DST: variants seen among roughly 807,000 people sequenced by gnomAD.
DST encodes bullous pemphigoid antigen.
In DST, 253 loss-of-function variants were observed where a neutral mutation model predicts 875.2. The observed-to-expected ratio is 0.29, with a 90% CI of 0.26 to 0.32. The LOEUF (loss-of-function observed/expected upper bound fraction) is 0.32. Among genes scored for constraint, DST ranks in the 10% least tolerant of loss-of-function variants. The pLI, the probability that DST is intolerant of heterozygous loss-of-function variation, is 1.00. For synonymous variants in DST, 3,124 were observed against 3,197.1 expected (o/e 0.98, Z 0.77); for missense variants, 8,287 against 9,111.6 (o/e 0.91, Z 3.68).
At chr6:56,645,183 T>C (rs185342690) in intron 15 of DST, among the ~76,000 whole-genome samples, 37 of 152,322 alleles carry the variant, frequency 2.4e-4, no homozygotes, top group Admixed American at 2.3e-3. Flanking sequence ...CTGCAAGGTC[T>C]AGGTCCTATA....
chr6:56,701,929 G>A lies in DST; in HGVS notation c.913C>T (p.Gln305Ter), dbSNP rs759715225. 2 of 1,612,150 alleles carry A rather than the reference G, an allele frequency of 1.2e-6. No individual in the cohort carries two copies. The highest frequency in any genetic ancestry group is 8.5e-7 in the Non-Finnish European group (1 of 1,178,742). Residue 305 changes from glutamine to a stop codon, truncating the protein, a stop_gained, in exon 8 of 104, where the codon CAG becomes TAG. Coordinates refer to ENST00000680361, the MANE Select transcript of DST (RefSeq NM_001374736.1). LOFTEE classifies it high-confidence loss of function. ...TAGTCAAGTGCAATTTGTACATTCT[G>A]TAGTCTGTGAAAACGCATCCGACCT... is the stretch of plus-strand genomic sequence containing the variant. ...EKGRMRFHRL[Q>*]NVQIALDYLK...
chr6:56,539,394 G>A (rs1178659951), intron 61 of DST, among the ~76,000 whole-genome samples: 7 of 152,092 alleles, frequency 4.6e-5, no homozygotes, highest in South Asian at 2.1e-4. Flanking sequence ...TTTACTGCAT[G>A]TCTAAGAAAA....
chr6:56,805,961 G>A lies in DST; in HGVS notation c.625+45436C>T, dbSNP rs530736650. ...AGACACAGATATCCCAAATCTCCCC[G>A]TAAGAAATTGCTTTGCATTTCCCTG... On this transcript the variant is annotated intron_variant, in intron 4 of 103. Transcript: ENST00000680361. Among the ~76,000 whole-genome samples the A allele has an allele frequency of 1.4e-4, 22 of 152,248 alleles. 1 individual carries two copies. The highest frequency in any genetic ancestry group is 4.8e-4 in the African/African-American group (20 of 41,536).
chr6:56,519,162 T>C (rs2096649333), intron 69 of DST, among the ~76,000 whole-genome samples: 1 of 152,064 alleles, frequency 6.6e-6, no homozygotes, highest in Non-Finnish European at 1.5e-5. Flanking sequence ...TAAGACTAAA[T>C]ACTGGAAAAA....
At chr6:56,889,135 C>T (rs1786056679) in intron 3 of DST, among the ~76,000 whole-genome samples, 1 of 152,178 alleles carries the variant, frequency 6.6e-6, no homozygotes. Context: ...AGGCTCAGAC[C>T]TCAAGTGTCT....
chr6:56,503,907 A>G (rs1460524525), intron 78 of DST, 90 bp downstream of exon 78: 3 of 837,652 alleles, frequency 3.6e-6, no homozygotes, highest in East Asian at 5.6e-5. Context: ...TCATACTTAC[A>G]TTAGGTAAAA....
At chr6:56,645,643 T>C (rs1448891418) in intron 15 of DST, among the ~76,000 whole-genome samples, 1 of 152,180 alleles carries the variant, frequency 6.6e-6, no homozygotes, top group Non-Finnish European at 1.5e-5. Context: ...TAGATGAGAC[T>C]TCACATACCA....
At chr6:56,770,766 C>T (rs1436355351) in intron 4 of DST, among the ~76,000 whole-genome samples, 1 of 152,002 alleles carries the variant, frequency 6.6e-6, no homozygotes, top group Non-Finnish European at 1.5e-5. Context: ...TTTGGGAGGC[C>T]GAGGTGGGTG....
chr6:56,572,296 T>C (rs751870255), intron 52 of DST, 30 bp from the exon 53 acceptor site: 14 of 1,467,414 alleles, frequency 9.5e-6, no homozygotes, highest in East Asian at 2.4e-5. Context: ...TCAGTCAATA[T>C]AAATGTTGCT....
Position 56,654,586 on chromosome 6 carries a change from CTATATATATA to C in DST, c.1215-3352_1215-3343del, listed in dbSNP as rs138507484. 1.1e-4 allele frequency among the ~76,000 whole-genome samples: 14 copies of C among 133,328 alleles called. No individual in the cohort carries two copies. In the East Asian group the frequency reaches 2.9e-3, roughly 28 times the overall value. 87.5% of individuals were successfully genotyped at this position (133,328 alleles called of 152,430 possible). ...TCTTAAAAGAGCAATCTCCCCTAGG[CTATATATATA>C]TATATATATCTCCACACGTATATAT... is the stretch of plus-strand genomic sequence containing the variant. On this transcript the variant is annotated intron_variant, in intron 10 of 103. Transcript: ENST00000680361.
At chr6:56,789,996 G>T (rs916620947) in intron 4 of DST, among the ~76,000 whole-genome samples, 1 of 152,108 alleles carries the variant, frequency 6.6e-6, no homozygotes, top group African/African-American at 2.4e-5. Flanking sequence ...CTCTACCAGG[G>T]ATGCTCTCTT....
intron 2 of DST, among the ~76,000 whole-genome samples, chr6:56,923,318 C>A (rs1805204874): frequency 6.6e-6 from 1 of 151,792 alleles, no homozygotes; most frequent in South Asian, 2.1e-4. Flanking sequence ...AAAAAGATTA[C>A]CTACCAGGAA....
chr6:56,662,643 A>G (rs1425383247), intron 10 of DST, among the ~76,000 whole-genome samples: 1 of 152,172 alleles, frequency 6.6e-6, no homozygotes, highest in African/African-American at 2.4e-5. Flanking sequence ...CATCACATCT[A>G]TAAAGATCTT....
At chr6:56,701,830 A>C in intron 8 of DST, 58 bp downstream of exon 8, 1 of 1,069,568 alleles carries the variant, frequency 9.3e-7, no homozygotes, top group South Asian at 1.4e-5. Flanking sequence ...ACATGTTTCT[A>C]CGTGGATGTA....
intron 85 of DST, among the ~76,000 whole-genome samples, chr6:56,490,609 T>C (rs16887940): frequency 1.3e-5 from 2 of 151,976 alleles, no homozygotes; most frequent in South Asian, 2.1e-4. Flanking sequence ...AATTAAAACA[T>C]GGAAAAATGG....
intron 49 of DST, among the ~76,000 whole-genome samples, chr6:56,581,904 C>G (rs2098008562): frequency 6.6e-6 from 1 of 152,188 alleles, no homozygotes; most frequent in African/African-American, 2.4e-5. Flanking sequence ...TCTAACTACC[C>G]AAATAGTCAA....
chr6:56,843,680 G>T (rs1362438529), intron 4 of DST: 4 of 975,580 alleles, frequency 4.1e-6, no homozygotes, highest in Non-Finnish European at 4.9e-6. Flanking sequence ...GCAGACACTC[G>T]CCCGCGCCGG....
intron 49 of DST, among the ~76,000 whole-genome samples, chr6:56,589,059 T>G (rs2098220404): frequency 6.6e-6 from 1 of 152,210 alleles, no homozygotes; most frequent in South Asian, 2.1e-4. Context: ...TCCGAAAATT[T>G]TTTTTAGATT....
chr6:56,883,649 A>G (rs542938202), intron 3 of DST, among the ~76,000 whole-genome samples: 65 of 152,142 alleles, frequency 4.3e-4, no homozygotes, highest in Non-Finnish European at 8.4e-4. Context: ...TTCATTATGG[A>G]AAATTTTATG....
Sources: allele counts gnomAD v4.1 joint callset (sites outside exome capture counted in the v4.1 genomes callset), GRCh38; gene constraint gnomAD v4.1.1; transcripts MANE v1.5; gene names NCBI Gene and HGNC (gene_info 2026-07-23, HGNC 2026-07-21).